The following DYM variants were observed in gnomAD, a reference collection of about 807,000 sequenced individuals.
DYM encodes the protein dyggve-Melchior-Clausen syndrome protein.
DYM carries 78 observed loss-of-function variants against 93.1 expected under a neutral mutation model. The ratio of observed to expected loss-of-function variants is 0.84; its 90% CI spans 0.70 to 1.01. The LOEUF (loss-of-function observed/expected upper bound fraction) is 1.01, where lower values mean the gene tolerates loss of function less well. DYM is among the 50% of genes least tolerant of loss of function. The pLI is 0.00. For missense variants in DYM, 789 were observed against 845.0 expected (o/e 0.93, Z 0.82); for synonymous variants, 321 against 319.7 (o/e 1.00, Z -0.04).
chr18:49,196,556 A>G (rs564222204), intron 14 of DYM, among the ~76,000 whole-genome samples: 2 of 152,242 alleles, frequency 1.3e-5, no homozygotes, highest in Admixed American at 1.3e-4. Context: ...TGTGAGAGGA[A>G]CCATAATATT....
chr18:49,356,004 T>G (rs1481109563), intron 6 of DYM, among the ~76,000 whole-genome samples: 3 of 152,186 alleles, frequency 2.0e-5, no homozygotes, highest in Admixed American at 2.0e-4. Flanking sequence ...AATGTGATTT[T>G]GTCTCCAAAC....
intron 8 of DYM, among the ~76,000 whole-genome samples, chr18:49,318,421 A>G (rs1326387973): frequency 1.3e-5 from 2 of 152,086 alleles, no homozygotes; most frequent in East Asian, 3.9e-4. Context: ...AGATCAAGAT[A>G]ATCCTGGCCA....
intron 2 of DYM, among the ~76,000 whole-genome samples, chr18:49,408,202 C>T (rs1047036038): frequency 3.3e-5 from 5 of 152,084 alleles, no homozygotes; most frequent in African/African-American, 7.2e-5. Flanking sequence ...TTATAACTGG[C>T]TTTAACTACT....
chr18:49,097,603 C>A, intron 16 of DYM, 88 bp from the exon 17 acceptor site: 1 of 1,111,780 alleles, frequency 9.0e-7, no homozygotes, highest in South Asian at 1.3e-5. Context: ...GTCAAACTAT[C>A]ATGATTCCAT....
intron 5 of DYM, among the ~76,000 whole-genome samples, chr18:49,363,841 T>A (rs1599690993): frequency 6.6e-6 from 1 of 152,136 alleles, no homozygotes; most frequent in South Asian, 2.1e-4. Flanking sequence ...AAATTACCAT[T>A]CCAATGGAAA....
chr18:49,167,074 T>C (rs1229875266), intron 14 of DYM, among the ~76,000 whole-genome samples: 1 of 150,982 alleles, frequency 6.6e-6, no homozygotes, highest in Non-Finnish European at 1.5e-5. Flanking sequence ...CAGAGAACAA[T>C]AGAGGTGATC....
At chr18:49,349,576 AT>A (rs1353711835) in intron 6 of DYM, among the ~76,000 whole-genome samples, 3 of 152,232 alleles carry the variant, frequency 2.0e-5, no homozygotes, top group Non-Finnish European at 2.9e-5. Flanking sequence ...ACTAAAAATA[AT>A]TGTAAAATTT....
At chr18:49,099,936 T>C (rs1040030454) in intron 16 of DYM, among the ~76,000 whole-genome samples, 7 of 152,166 alleles carry the variant, frequency 4.6e-5, no homozygotes, top group African/African-American at 1.4e-4. Context: ...TATTTTTCTA[T>C]CACCTTCAGT....
At chr18:49,417,255 C>T (rs1379236690) in intron 2 of DYM, among the ~76,000 whole-genome samples, 2 of 152,002 alleles carry the variant, frequency 1.3e-5, no homozygotes, top group Non-Finnish European at 2.9e-5. Flanking sequence ...CTCAAGGAAT[C>T]CTCCTGACTC....
chr18:49,307,436 T>G (rs1158211208), intron 8 of DYM, among the ~76,000 whole-genome samples: 8 of 152,276 alleles, frequency 5.3e-5, no homozygotes, highest in Admixed American at 5.2e-4. Flanking sequence ...TTAAGAATTC[T>G]ACCTGCAAAT....
intron 14 of DYM, among the ~76,000 whole-genome samples, chr18:49,202,102 C>G (rs1016379918): frequency 1.3e-5 from 2 of 152,212 alleles, no homozygotes; most frequent in Non-Finnish European, 2.9e-5. Flanking sequence ...CGAAAACTTT[C>G]TTTCCAGCTC....
At chr18:49,079,454 G>C (rs750260453) in intron 17 of DYM, among the ~76,000 whole-genome samples, 1 of 151,760 alleles carries the variant, frequency 6.6e-6, no homozygotes, top group Non-Finnish European at 1.5e-5. Context: ...TCTCGCAGAG[G>C]GGGATTTGGC....
At chr18:49,197,906 A>G (rs2091627035) in intron 14 of DYM, among the ~76,000 whole-genome samples, 1 of 152,260 alleles carries the variant, frequency 6.6e-6, no homozygotes, top group Non-Finnish European at 1.5e-5. Flanking sequence ...GAACCAAAAA[A>G]GAGCCCGCAT....
At chr18:49,150,046 T>G (rs2085646400) in intron 15 of DYM, among the ~76,000 whole-genome samples, 1 of 152,180 alleles carries the variant, frequency 6.6e-6, no homozygotes, top group Admixed American at 6.5e-5. Context: ...CTTTCACAAT[T>G]GCTATTTAAA....
chr18:49,107,921 T>C (rs1223776019), intron 16 of DYM, among the ~76,000 whole-genome samples: 1 of 152,154 alleles, frequency 6.6e-6, no homozygotes, highest in Non-Finnish European at 1.5e-5. Context: ...GAACCACTAC[T>C]CTCTTCAAAG....
intron 15 of DYM, among the ~76,000 whole-genome samples, chr18:49,137,559 C>A (rs898009859): frequency 1.3e-5 from 2 of 152,090 alleles, no homozygotes; most frequent in African/African-American, 4.8e-5. Context: ...CTCTAGAAAC[C>A]CTGCCATCCC....
chr18:49,426,141 C>T (rs1050833482), intron 2 of DYM, among the ~76,000 whole-genome samples: 4 of 152,010 alleles, frequency 2.6e-5, no homozygotes, highest in Admixed American at 6.6e-5. Context: ...GACTTGGAAC[C>T]AACCTAAATG....
chr18:49,080,349 A>G (rs1246283499), intron 17 of DYM, among the ~76,000 whole-genome samples: 1 of 65,032 alleles, frequency 1.5e-5, no homozygotes, highest in Admixed American at 1.7e-4. Flanking sequence ...ACCCCCCCCA[A>G]CTCCCTCCCG....
intron 10 of DYM, among the ~76,000 whole-genome samples, chr18:49,278,232 T>C (rs890133578): frequency 6.6e-6 from 1 of 152,208 alleles, no homozygotes; most frequent in Non-Finnish European, 1.5e-5. Flanking sequence ...ACTGTAAATA[T>C]TAATCTCATT....
Sources: allele counts gnomAD v4.1 joint callset (sites outside exome capture counted in the v4.1 genomes callset), GRCh38; gene constraint gnomAD v4.1.1; transcripts MANE v1.5; gene names NCBI Gene and HGNC (gene_info 2026-07-23, HGNC 2026-07-21).